The following MYH9 variants were observed in gnomAD, a reference collection of about 807,000 sequenced individuals.
MYH9 encodes myosin heavy chain 9, also known as myosin-9.
Under a neutral mutation model 241.9 loss-of-function variants are expected in MYH9, and 29 were observed. The ratio of observed to expected loss-of-function variants is 0.12; its 90% CI spans 0.09 to 0.16. The LOEUF is 0.16. MYH9 is among the 10% of genes least tolerant of loss of function. The probability of loss-of-function intolerance (pLI) is 1.00; values close to 1 mark genes in which losing one functional copy is unlikely to be tolerated. For missense variants in MYH9, 1,803 were observed against 2,595.5 expected (o/e 0.69, Z 6.63); for synonymous variants, 1,047 against 1,062.6 (o/e 0.99, Z 0.29).
At position 36,299,003 on chromosome 22, in the gene MYH9, T is replaced by C. The variant is rs758307420; in HGVS notation, c.3016A>G (p.Thr1006Ala). 1.9e-6 allele frequency: 3 copies of C among 1,614,112 alleles called. No homozygotes were observed. In the South Asian group the frequency reaches 3.3e-5, roughly 18 times the overall value. The change falls in exon 24 of 41, where the codon ACC becomes GCC. Residue 1006 changes from threonine to alanine, a missense_variant. This residue lies in a region of MYH9 where 290 missense variants were observed against 360.5 expected (regional missense o/e 0.80). Transcript: ENST00000216181. ...LLEDRIAEFTTNLTEEEEKSK... is the reference protein window; with the variant it reads ...LLEDRIAEFTANLTEEEEKSK... ...TTCTCCTCCTCTTCTGTGAGGTTGG[T>C]GGTGAACTCAGCTATTCTGTCTTCC... is the stretch of plus-strand genomic sequence containing the variant.
intron 1 of MYH9, among the ~76,000 whole-genome samples, chr22:36,361,896 C>T (rs143157462): frequency 9.7e-4 from 148 of 152,192 alleles, no homozygotes; most frequent in African/African-American, 3.3e-3. Context: ...ATGGTGAAAC[C>T]CCATCTCTAC....
intron 1 of MYH9, among the ~76,000 whole-genome samples, chr22:36,372,274 AC>A (rs1333949667): frequency 6.6e-6 from 1 of 151,954 alleles, no homozygotes. Context: ...GATCACTTGA[AC>A]CCAGGTGTTC....
rs566551723 is a variant in MYH9, at chr22:36,310,413, A to G, written c.1729-1017T>C. On this transcript the variant is annotated intron_variant, in intron 14 of 40. Coordinates refer to ENST00000216181, the MANE Select transcript of MYH9 (RefSeq NM_002473.6). ...GAGCCCCTGTGCTCTGCTAAAATAT[A>G]TACTTAACAGAACAAGTAATACAGC... Among the ~76,000 whole-genome samples the G allele has an allele frequency of 2.0e-5, 3 of 152,326 alleles. No individual in the cohort carries two copies. In the South Asian group the frequency reaches 6.2e-4, roughly 32 times the overall value.
At chr22:36,345,853 G>GAAGGCTGGGCT (rs1164649105) in intron 2 of MYH9, among the ~76,000 whole-genome samples, 15 of 152,242 alleles carry the variant, frequency 9.9e-5, no homozygotes, top group African/African-American at 3.4e-4. Flanking sequence ...TGCCATGTTA[G>GAAGGCTGGGCT]AAGGCTGGGC....
intron 31 of MYH9, 101 bp downstream of exon 31, chr22:36,291,885 G>A (rs1187341827): frequency 7.6e-6 from 12 of 1,581,056 alleles, no homozygotes; most frequent in African/African-American, 1.3e-5. Context: ...CCTCCCCGGC[G>A]AGACCCTGAG....
chr22:36,303,105 T>C (rs2016909292), intron 19 of MYH9, among the ~76,000 whole-genome samples: 1 of 152,130 alleles, frequency 6.6e-6, no homozygotes, highest in South Asian at 2.1e-4. Context: ...GAAGCTGATG[T>C]ACTGTGAAGG....
Position 36,316,618 on chromosome 22 carries a change from G to A in MYH9, c.1279C>T (p.Arg427Cys), listed in dbSNP as rs1247656863. ...TTGTTGATGCGCAGCACCAGCCAGC[G>A]GAACATCCGCTCATAGGTCGCCTTG... ...LAKATYERMFRWLVLRINKAL... is the reference protein window; with the variant it reads ...LAKATYERMFCWLVLRINKAL... Residue 427 changes from arginine (R) to cysteine (C), a missense_variant, in exon 12 of 41, where the codon CGC (arginine) becomes TGC (cysteine). This residue lies in a region of MYH9 where 222 missense variants were observed against 359.9 expected (regional missense o/e 0.62). Coordinates refer to ENST00000216181, the MANE Select transcript of MYH9 (RefSeq NM_002473.6). 23 of 1,614,116 alleles carry A rather than the reference G, an allele frequency of 1.4e-5. No individual in the cohort carries two copies. Among genetic ancestry groups the A allele is most frequent in the Non-Finnish European group, 1.9e-5 (22 of 1,180,036 alleles).
In MYH9 at chr22:36,373,239, C is replaced by T. The variant is rs539241036; in HGVS notation, c.-20+14568G>A. On this transcript the variant is annotated intron_variant, in intron 1 of 40. Coordinates refer to ENST00000216181, the MANE Select transcript of MYH9 (RefSeq NM_002473.6). ...TTGGAAGACCACTCCACCCCACTAT[C>T]CTCCCCCTGCCCCTGCCCTCAGCTG... Among the ~76,000 whole-genome samples, 3 of 152,332 alleles carry T rather than the reference C, an allele frequency of 2.0e-5. No individual in the cohort carries two copies. In the South Asian group the frequency reaches 6.2e-4, roughly 32 times the overall value.
At position 36,300,063 on chromosome 22, in the gene MYH9, G is replaced by GTGACC; in HGVS notation, c.2976+59_2976+63dup. 6.3e-7 allele frequency: 1 copy of GTGACC among 1,599,758 alleles called. No homozygotes were observed. Among genetic ancestry groups the GTGACC allele is most frequent in the Non-Finnish European group, 8.5e-7 (1 of 1,178,346 alleles). On this transcript the variant is annotated intron_variant, in intron 23 of 40. Transcript: ENST00000216181. The surrounding 1 kb of genome is among the most constrained non-coding windows in gnomAD (Gnocchi z 5.0). Reference sequence around the variant, plus strand: ...CAGCGGGGAGCCAGGCCCTGCAAGGGTGACCACACTCTCCCATCCACGGCG... The same window carrying GTGACC: ...CAGCGGGGAGCCAGGCCCTGCAAGGGTGACCTGACCACACTCTCCCATCCACGGCG...
intron 9 of MYH9, 55 bp from the exon 10 acceptor site, chr22:36,319,690 G>C: frequency 6.5e-7 from 1 of 1,540,086 alleles, no homozygotes; most frequent in Non-Finnish European, 8.9e-7. Context: ...GGTGATTCCC[G>C]GGGGTGGGGG....
At chr22:36,291,861 G>T in intron 31 of MYH9, 125 bp downstream of exon 31, 1 of 1,406,856 alleles carries the variant, frequency 7.1e-7, no homozygotes, top group Non-Finnish European at 9.7e-7. Flanking sequence ...TCTAAGCACT[G>T]GCCCCGCACG....
At chr22:36,350,119 A>G (rs1294965333) in intron 1 of MYH9, among the ~76,000 whole-genome samples, 1 of 152,274 alleles carries the variant, frequency 6.6e-6, no homozygotes, top group African/African-American at 2.4e-5. Context: ...TCCAAGAAAC[A>G]TGGAGAATGC....
rs368932396 is a variant in MYH9 at position 36,385,170 on chromosome 22, T to TTC, written c.-20+2635_-20+2636dup. Among the ~76,000 whole-genome samples the TTC allele has an allele frequency of 3.3e-5, 5 of 151,214 alleles. No individual in the cohort carries two copies. The South Asian group carries it at 1.0e-3, about 31-fold the overall frequency. On this transcript the variant is annotated intron_variant, in intron 1 of 40. Transcript: ENST00000216181. ...GCTGTCAAGGCACGGGTTTTTTTTT[T>TTC]TCTCTCTCTCTCTTTTTCCTTTGCT...
intron 20 of MYH9, 48 bp from the exon 21 acceptor site, chr22:36,301,713 G>A (rs372242407): frequency 1.3e-5 from 21 of 1,606,492 alleles, no homozygotes; most frequent in Middle Eastern, 3.3e-4. Flanking sequence ...GAAGATGCCC[G>A]CCTCTGCCAA....
chr22:36,369,633 T>C (rs1335474096), intron 1 of MYH9, among the ~76,000 whole-genome samples: 1 of 152,186 alleles, frequency 6.6e-6, no homozygotes, highest in Admixed American at 6.5e-5. Context: ...GGCTGTAATT[T>C]ACAGCTGGTG....
At position 36,306,576 on chromosome 22, in the gene MYH9, G is replaced by A. The variant is rs956644967; in HGVS notation, c.1875C>T (p.Ala625=). The A allele has an allele frequency of 4.3e-6, 7 of 1,613,650 alleles. No homozygotes were observed. Among genetic ancestry groups the A allele is most frequent in the South Asian group, 1.1e-5 (1 of 91,062 alleles). The change falls in exon 16 of 41, where the codon GCC becomes GCT. Residue 625 remains alanine (A), a synonymous_variant. Coordinates refer to ENST00000216181, the MANE Select transcript of MYH9 (RefSeq NM_002473.6). This position sits in a 1 kb window ranked among gnomAD's most constrained non-coding sequence, Gnocchi z 4.1. ...VDRIIGLDQV[A]GMSETALPGA... ...CGGGCAGTGCGGTCTCCGACATGCC[G>A]GCCACCTGGTCCAGGCCGATGATGC...
chr22:36,314,036 G>T, intron 13 of MYH9, 109 bp downstream of exon 13: 1 of 1,384,916 alleles, frequency 7.2e-7, no homozygotes. Context: ...CCAAAAGGAA[G>T]GGGAGTTAAG....
rs1569536486 is a variant in MYH9 at position 36,341,537 on chromosome 22, G to C, written c.334-11C>G. ...CAGGCCTGAATAGGTCTAAAGAAAA[G>C]AGCGGCAGATAGGAACAGGTTAGGA... is the stretch of plus-strand genomic sequence containing the variant. On this transcript the variant is annotated splice_polypyrimidine_tract_variant and intron_variant, in intron 2 of 40. Transcript: ENST00000216181. The C allele has an allele frequency of 6.2e-7, 1 of 1,613,600 alleles. No homozygotes were observed. The highest frequency in any genetic ancestry group is 1.7e-5 in the Admixed American group (1 of 60,020).
chr22:36,308,679 GA>G, intron 15 of MYH9: 1 of 365,334 alleles, frequency 2.7e-6, no homozygotes, highest in Non-Finnish European at 3.8e-6. Context: ...GCAGATCAGG[GA>G]ACGGGGGTGT....
Sources: allele counts gnomAD v4.1 joint callset (sites outside exome capture counted in the v4.1 genomes callset), GRCh38; gene constraint gnomAD v4.1.1; regional missense constraint gnomAD v4.1.1; non-coding constraint Gnocchi (gnomAD v3.1); transcripts MANE v1.5; gene names NCBI Gene and HGNC (gene_info 2026-07-23, HGNC 2026-07-21).